Variants in STON2 observed in about 807,000 individuals in gnomAD.
STON2 encodes the protein stonin-2.
STON2 carries 29 observed loss-of-function variants against 65.7 expected under a neutral mutation model. That is an observed-to-expected ratio of 0.44 (90% confidence interval 0.33 to 0.60). STON2 has a LOEUF of 0.60. Ranked by LOEUF, STON2 falls within the 20% of genes least tolerant of loss-of-function variation. The pLI, the probability that STON2 is intolerant of heterozygous loss-of-function variation, is 0.03. For synonymous variants in STON2, 404 were observed against 414.2 expected (o/e 0.98, Z 0.30); for missense variants, 1,054 against 1,118.1 (o/e 0.94, Z 0.82).
intron 4 of STON2, chr14:81,333,444 C>G (rs1897276012): frequency 3.3e-6 from 1 of 305,042 alleles, no homozygotes; most frequent in Non-Finnish European, 6.1e-6. Context: ...TCTCAACAAC[C>G]CTATGAAATC....
intron 4 of STON2, among the ~76,000 whole-genome samples, chr14:81,363,411 T>C (rs1898583965): frequency 6.6e-6 from 1 of 152,184 alleles, no homozygotes; most frequent in South Asian, 2.1e-4. Flanking sequence ...TTCTTTGTAT[T>C]CTCAGTAACT....
intron 4 of STON2, among the ~76,000 whole-genome samples, chr14:81,334,351 A>G (rs977878595): frequency 6.6e-6 from 1 of 152,206 alleles, no homozygotes. Context: ...TTAAGATACA[A>G]TTCACGTTCC....
At position 81,398,418 on chromosome 14, in the gene STON2, C is replaced by G. The variant is rs201822655; in HGVS notation, c.-36G>C. 3.8e-3 allele frequency: 5,915 copies of G among 1,545,184 alleles called. 13 individuals are homozygous for G. Among genetic ancestry groups the G allele is most frequent in the Non-Finnish European group, 4.7e-3 (5,200 of 1,117,690 alleles). ...CACTGGTCATCTTCACACTGCTGAC[C>G]TCAGGTGAACCCCAGAATACTGTCT... On this transcript the variant is annotated 5_prime_UTR_variant, in exon 2 of 8. Coordinates refer to ENST00000614646, the MANE Select transcript of STON2 (RefSeq NM_001394390.1).
chr14:81,398,300 G>A lies in STON2; in HGVS notation c.83C>T (p.Ser28Leu), dbSNP rs748542773. 4.6e-5 allele frequency: 74 copies of A among 1,611,258 alleles called. No homozygotes were observed. Among genetic ancestry groups the A allele is most frequent in the Non-Finnish European group, 5.8e-5 (68 of 1,177,808 alleles). The change falls in exon 2 of 8, where the codon TCG becomes TTG. Residue 28 changes from serine (S) to leucine (L), a missense_variant. Physicochemically the swap from Ser to Leu is moderately radical, Grantham distance 145. Transcript: ENST00000614646. ...FNEEPPFPAH[S>L]QGGTEEHLPG... ...GAAACGAAGGCACTCCTTACCCTGC[G>A]AGTGGGCAGGAAAGGGTGGCTCTTC...
chr14:81,322,438 C>T (rs1359386742), intron 5 of STON2, among the ~76,000 whole-genome samples: 1 of 152,180 alleles, frequency 6.6e-6, no homozygotes, highest in African/African-American at 2.4e-5. Flanking sequence ...CCACTTCTTG[C>T]TCACTTGGCC....
At chr14:81,400,672 G>A (rs1900565478), upstream of STON2, among the ~76,000 whole-genome samples, 1 of 151,998 alleles carries the variant, frequency 6.6e-6, no homozygotes, top group Non-Finnish European at 1.5e-5. Context: ...TAAACTGAAA[G>A]GTTTTAAAGA....
chr14:81,279,789 C>T (rs1895034148), intron 5 of STON2, among the ~76,000 whole-genome samples: 1 of 151,964 alleles, frequency 6.6e-6, no homozygotes, highest in Non-Finnish European at 1.5e-5. Context: ...TAAGTGGATG[C>T]TTAGTGAAAC....
intron 4 of STON2, among the ~76,000 whole-genome samples, chr14:81,324,510 T>C (rs1896937519): frequency 6.6e-6 from 1 of 152,240 alleles, no homozygotes. Context: ...TCCTCCGAGT[T>C]AGAGTGTTAA....
chr14:81,261,685 A>G lies in STON2; in HGVS notation c.*6729T>C. ...ATATATATACCTCATTGATTATCCT[A>G]TCATCCCCAGTACTTGGAGGGTTAG... On this transcript the variant is annotated 3_prime_UTR_variant, in exon 8 of 8. Coordinates refer to ENST00000614646, the MANE Select transcript of STON2 (RefSeq NM_001394390.1). 8.6e-7 allele frequency: 1 copy of G among 1,159,360 alleles called. No individual in the cohort carries two copies. The highest frequency in any genetic ancestry group is 1.1e-6 in the Non-Finnish European group (1 of 879,436). 71.8% of individuals were successfully genotyped at this position (1,159,360 alleles called of 1,614,324 possible).
chr14:81,397,053 C>T (rs573331083), intron 2 of STON2, among the ~76,000 whole-genome samples: 24 of 152,146 alleles, frequency 1.6e-4, no homozygotes, highest in Non-Finnish European at 2.6e-4. Context: ...AGCGAAACTC[C>T]GTCTCAAAAC....
chr14:81,368,722 A>G (rs1475458574), intron 4 of STON2, among the ~76,000 whole-genome samples: 2 of 152,112 alleles, frequency 1.3e-5, no homozygotes, highest in East Asian at 3.9e-4. Context: ...CATCTCAAAA[A>G]CAAACAAAAA....
chr14:81,316,894 C>T (rs1896643675), intron 5 of STON2, among the ~76,000 whole-genome samples: 1 of 152,172 alleles, frequency 6.6e-6, no homozygotes, highest in East Asian at 1.9e-4. Context: ...GTGGCAGGCA[C>T]CTGTAGTCCC....
Position 81,263,768 on chromosome 14 carries a change from G to A in STON2, c.*4646C>T, listed in dbSNP as rs1222490286. 4.1e-6 allele frequency: 4 copies of A among 985,168 alleles called. No homozygotes were observed. Among genetic ancestry groups the A allele is most frequent in the Non-Finnish European group, 3.6e-6 (3 of 829,888 alleles). 61.0% of individuals were successfully genotyped at this position (985,168 alleles called of 1,614,324 possible). A position where few individuals can be genotyped will look rare whatever the true frequency, so the allele number is the denominator to read the frequency against. ...GTTAAAGTTACCACTCGAACTGGGA[G>A]CATTTCTATAAGCAGGCTGGATGGT... On this transcript the variant is annotated 3_prime_UTR_variant, in exon 8 of 8. Coordinates refer to ENST00000614646, the MANE Select transcript of STON2 (RefSeq NM_001394390.1).
chr14:81,345,784 T>G (rs747891250), intron 4 of STON2, among the ~76,000 whole-genome samples: 2 of 152,082 alleles, frequency 1.3e-5, no homozygotes, highest in African/African-American at 4.8e-5. Flanking sequence ...TTCTGTTGTT[T>G]AAGCCACTTA....
chr14:81,378,058 G>A (rs1899336819), intron 3 of STON2, among the ~76,000 whole-genome samples: 1 of 152,046 alleles, frequency 6.6e-6, no homozygotes, highest in South Asian at 2.1e-4. Flanking sequence ...TGTTGGTCAG[G>A]CTGGTCTCAA....
At chr14:81,379,869 T>C (rs538258653) in intron 3 of STON2, among the ~76,000 whole-genome samples, 4 of 152,170 alleles carry the variant, frequency 2.6e-5, no homozygotes, top group Non-Finnish European at 5.9e-5. Context: ...GGCTTAAATG[T>C]AAAACATGAA....
At chr14:81,346,415 C>T (rs534198445) in intron 4 of STON2, among the ~76,000 whole-genome samples, 1 of 152,064 alleles carries the variant, frequency 6.6e-6, no homozygotes, top group Non-Finnish European at 1.5e-5. Flanking sequence ...ACTTTGGGAC[C>T]AGAGAAAAGG....
intron 1 of STON2, among the ~76,000 whole-genome samples, chr14:81,435,850 C>T (rs1687538919): frequency 6.6e-6 from 1 of 152,198 alleles, no homozygotes; most frequent in Admixed American, 6.5e-5. Flanking sequence ...GGGCAGAGCG[C>T]CTGAGGCCAA....
chr14:81,429,369 G>C (rs1193054045), intron 1 of STON2, among the ~76,000 whole-genome samples: 2 of 152,196 alleles, frequency 1.3e-5, no homozygotes, highest in Admixed American at 6.5e-5. Context: ...AAGTGGAGTA[G>C]GACCAACTGC....
Sources: allele counts gnomAD v4.1 joint callset (sites outside exome capture counted in the v4.1 genomes callset), GRCh38; gene constraint gnomAD v4.1.1; transcripts MANE v1.5; gene names NCBI Gene and HGNC (gene_info 2026-07-23, HGNC 2026-07-21).